NADSYN1: variants seen among roughly 807,000 people sequenced by gnomAD.
NADSYN1 encodes the protein NAD synthetase 1.
In NADSYN1, 80 loss-of-function variants were observed where a neutral mutation model predicts 99.3. That is an observed-to-expected ratio of 0.81 (90% CI 0.67 to 0.97). The LOEUF (loss-of-function observed/expected upper bound fraction) is 0.97. Ranked by LOEUF, NADSYN1 falls within the 50% of genes least tolerant of loss-of-function variation. The pLI, the probability that NADSYN1 is intolerant of heterozygous loss-of-function variation, is 0.00. For synonymous variants in NADSYN1, 385 were observed against 372.1 expected, an observed-to-expected ratio of 1.03 and a Z score of -0.40; for missense variants, 859 against 948.5, an observed-to-expected ratio of 0.91 and a Z score of 1.24.
intron 8 of NADSYN1, among the ~76,000 whole-genome samples, chr11:71,474,146 G>A (rs1176680375): frequency 2.6e-5 from 4 of 152,230 alleles, no homozygotes; most frequent in Non-Finnish European, 4.4e-5. Context: ...GGGAGGTGAT[G>A]GGGTCTGCCT....
intron 9 of NADSYN1, chr11:71,474,792 G>A (rs1288408475): frequency 3.6e-5 from 16 of 449,288 alleles, no homozygotes; most frequent in South Asian, 6.2e-5. Context: ...CAGGGGTCCC[G>A]CCTGCTCTGA....
chr11:71,476,453 T>G (rs1591128724), intron 9 of NADSYN1: 1 of 221,324 alleles, frequency 4.5e-6, no homozygotes, highest in East Asian at 1.3e-4. Context: ...AGCATAGGTG[T>G]GGTCAGCACG....
Position 71,456,187 on chromosome 11 carries a change from A to G in NADSYN1, c.146+1017A>G, listed in dbSNP as rs146221151. Among the ~76,000 whole-genome samples, 4 of 152,322 alleles carry G rather than the reference A, an allele frequency of 2.6e-5. No homozygotes were observed. The East Asian group carries it at 7.7e-4, about 29-fold the overall frequency. ...CTTAGGAGGTTTTGTGTGAGTCCAG[A>G]GGCATCTTTCTCTAAGTCCTTCCAA... On this transcript the variant is annotated intron_variant, in intron 2 of 20. Transcript: ENST00000319023.
chr11:71,458,606 C>G, intron 3 of NADSYN1, 62 bp downstream of exon 3: 1 of 1,145,228 alleles, frequency 8.7e-7, no homozygotes, highest in Non-Finnish European at 1.3e-6. Flanking sequence ...AAGGGCATGA[C>G]CCACCCAACC....
At chr11:71,493,881 C>T (rs1013373362) in intron 18 of NADSYN1, among the ~76,000 whole-genome samples, 19 of 152,092 alleles carry the variant, frequency 1.2e-4, no homozygotes, top group Non-Finnish European at 1.9e-4. Context: ...CCTGTAATCC[C>T]AGCACTTTGG....
At chr11:71,498,038 G>A (rs1332985417) in intron 19 of NADSYN1, among the ~76,000 whole-genome samples, 6 of 152,220 alleles carry the variant, frequency 3.9e-5, no homozygotes, top group Admixed American at 3.9e-4. Flanking sequence ...TCAGAGGCAG[G>A]GAGACCCCAG....
chr11:71,489,091 G>A (rs1949762448), intron 16 of NADSYN1, among the ~76,000 whole-genome samples: 1 of 152,120 alleles, frequency 6.6e-6, no homozygotes, highest in Admixed American at 6.5e-5. Flanking sequence ...AGCCAGCCCT[G>A]CAGGGTTAAG....
Position 71,458,411 on chromosome 11 carries a change from T to G in NADSYN1, c.147-17T>G, listed in dbSNP as rs760975087. 6.2e-7 allele frequency: 1 copy of G among 1,600,356 alleles called. No individual in the cohort carries two copies. On this transcript the variant is annotated splice_polypyrimidine_tract_variant and intron_variant, in intron 2 of 20. Transcript: ENST00000319023. Reference sequence around the variant, plus strand: ...CCTGAGTTGTTTCTGGAGCTCACCTTCTCACTGTCTCTGCAGCGGCTACGG... The same window carrying G: ...CCTGAGTTGTTTCTGGAGCTCACCTGCTCACTGTCTCTGCAGCGGCTACGG...
intron 5 of NADSYN1, among the ~76,000 whole-genome samples, chr11:71,472,142 G>T (rs1949631171): frequency 6.6e-6 from 1 of 152,194 alleles, no homozygotes; most frequent in African/African-American, 2.4e-5. Context: ...AACGTGGCCA[G>T]TTCTCAGCAA....
At chr11:71,483,548 C>G (rs1721306249) in intron 14 of NADSYN1, among the ~76,000 whole-genome samples, 1 of 152,176 alleles carries the variant, frequency 6.6e-6, no homozygotes. Context: ...AAGGAGGGCA[C>G]CTTTCCGGAG....
chr11:71,481,809 C>G, intron 12 of NADSYN1, 114 bp from the exon 13 acceptor site: 1 of 844,532 alleles, frequency 1.2e-6, no homozygotes, highest in Non-Finnish European at 1.9e-6. Context: ...AGTGCTAACA[C>G]CCACGTGCAT....
At chr11:71,482,682 C>T (rs1485285768) in intron 13 of NADSYN1, 167 bp from the exon 14 acceptor site, 10 of 511,928 alleles carry the variant, frequency 2.0e-5, no homozygotes, top group African/African-American at 7.6e-5. Context: ...GGGGTGGAGC[C>T]GCACAGGCAC....
chr11:71,484,785 G>A lies in NADSYN1; in HGVS notation c.1455+338G>A, dbSNP rs1026032793. 1.6e-5 allele frequency: 5 copies of A among 303,178 alleles called. 1 individual carries two copies. The highest frequency in any genetic ancestry group is 1.4e-4 in the South Asian group (3 of 22,092). 18.8% of individuals were successfully genotyped at this position (303,178 alleles called of 1,614,324 possible). A position where few individuals can be genotyped will look rare whatever the true frequency, so the allele number is the denominator to read the frequency against. On this transcript the variant is annotated intron_variant, in intron 15 of 20. Coordinates refer to ENST00000319023, the MANE Select transcript of NADSYN1 (RefSeq NM_018161.5). ...AGGGTGTGTCTGAGCCTGAGTGTGA[G>A]CCTGAGCGTGAGAGGTTACATGAGT...
rs572915193 is a variant in NADSYN1 at position 71,501,458 on chromosome 11, G to A, written c.*106G>A. On this transcript the variant is annotated 3_prime_UTR_variant, in exon 21 of 21. Transcript: ENST00000319023. ...GCCCTACACTAGGAGCCCAGGATGGGACGGCGCATCAGCCGAGAGGGAGGG... is the reference window on the plus strand; with the variant it reads ...GCCCTACACTAGGAGCCCAGGATGGAACGGCGCATCAGCCGAGAGGGAGGG... 6 of 1,094,848 alleles carry A rather than the reference G, an allele frequency of 5.5e-6. No individual in the cohort carries two copies. The East Asian group carries it at 7.9e-5, about 14-fold the overall frequency. The allele number at this position is 1,094,848 out of a possible 1,614,324, so 67.8% of individuals were successfully genotyped here.
At chr11:71,481,155 CGAT>C (rs1949704360) in intron 11 of NADSYN1, 198 bp from the exon 12 acceptor site, 1 of 665,228 alleles carries the variant, frequency 1.5e-6, no homozygotes, top group Non-Finnish European at 2.6e-6. Context: ...AAAATGAGGA[CGAT>C]GATAATACCC....
At chr11:71,491,012 G>C in intron 17 of NADSYN1, 36 bp downstream of exon 17, 2 of 1,612,136 alleles carry the variant, frequency 1.2e-6, no homozygotes, top group Non-Finnish European at 1.7e-6. Context: ...CCACAGCCAC[G>C]GGGCTCCTCT....
In NADSYN1 at chr11:71,480,957, C is replaced by T. The variant is rs113886569; in HGVS notation, c.998+78C>T. 1,017 of 1,574,320 alleles carry T rather than the reference C, an allele frequency of 6.5e-4. 10 individuals carry two copies. In the African/African-American group the frequency reaches 0.011, roughly 18 times the overall value. ...CTGGGGTGGGGACTCCTGGAGGTCA[C>T]GCAGTGGGTTTTCAGAACCTGCCTG... On this transcript the variant is annotated intron_variant, in intron 11 of 20. Coordinates refer to ENST00000319023, the MANE Select transcript of NADSYN1 (RefSeq NM_018161.5).
At position 71,469,851 on chromosome 11, in the gene NADSYN1, A is replaced by G. The variant is rs570013893; in HGVS notation, c.408-2598A>G. On this transcript the variant is annotated intron_variant, in intron 5 of 20. Coordinates refer to ENST00000319023, the MANE Select transcript of NADSYN1 (RefSeq NM_018161.5). Reference sequence around the variant, plus strand: ...TGAAGTGGGAGGATCACTTGAGCCCATGAGGTTGAGCCTGCAGCAAACTGT... The same window carrying G: ...TGAAGTGGGAGGATCACTTGAGCCCGTGAGGTTGAGCCTGCAGCAAACTGT... Among the ~76,000 whole-genome samples the G allele has an allele frequency of 4.0e-5, 6 of 148,468 alleles. No homozygotes were observed. The East Asian group carries it at 1.2e-3, about 31-fold the overall frequency.
rs528615148 is a variant in NADSYN1, at chr11:71,501,595, G to A, written c.*243G>A. ...CTCCCGCCAGCGTGCGCTTCCCCGC[G>A]AAGTCTGGCATTCTCCGAAGGAAGC... On this transcript the variant is annotated 3_prime_UTR_variant, in exon 21 of 21. Transcript: ENST00000319023. 8.5e-5 allele frequency: 45 copies of A among 528,186 alleles called. No individual in the cohort carries two copies. Among genetic ancestry groups the A allele is most frequent in the Admixed American group, 1.4e-4 (4 of 28,126 alleles). The allele number at this position is 528,186 out of a possible 1,614,324, so 32.7% of individuals were successfully genotyped here.
Sources: allele counts gnomAD v4.1 joint callset (sites outside exome capture counted in the v4.1 genomes callset), GRCh38; gene constraint gnomAD v4.1.1; transcripts MANE v1.5; gene names NCBI Gene and HGNC (gene_info 2026-07-23, HGNC 2026-07-21).